Variants in NOX4 observed in about 807,000 individuals in gnomAD.
NOX4 encodes the protein kidney oxidase-1.
Under a neutral mutation model 87.6 loss-of-function variants are expected in NOX4, and 69 were observed. That is an observed-to-expected ratio of 0.79 (90% CI 0.65 to 0.96). The LOEUF (loss-of-function observed/expected upper bound fraction) is 0.96. Ranked by LOEUF, NOX4 falls within the 40% of genes least tolerant of loss-of-function variation. The pLI is 0.00. For synonymous variants in NOX4, 275 were observed against 238.2 expected (o/e 1.15, Z -1.42); for missense variants, 680 against 681.5 (o/e 1.00, Z 0.02).
chr11:89,390,642 G>A (rs568690856), intron 11 of NOX4, among the ~76,000 whole-genome samples: 11 of 152,182 alleles, frequency 7.2e-5, no homozygotes, highest in Middle Eastern at 3.4e-3. Flanking sequence ...AAATATTGAC[G>A]GCATTTGTCA....
the NOX4 span, among the ~76,000 whole-genome samples, chr11:89,531,664 G>C: frequency 1.3e-5 from 2 of 152,182 alleles, no homozygotes; most frequent in Non-Finnish European, 2.9e-5. Flanking sequence ...GTTTATGGCA[G>C]TTCCCCGCTC....
intron 9 of NOX4, among the ~76,000 whole-genome samples, chr11:89,401,838 A>G (rs1403657451): frequency 3.3e-5 from 5 of 152,136 alleles, no homozygotes; most frequent in Admixed American, 1.3e-4. Context: ...TGTATGTCTA[A>G]TAAGTGTTCT....
At chr11:89,546,342 C>T in the NOX4 span, among the ~76,000 whole-genome samples, 1 of 152,100 alleles carries the variant, frequency 6.6e-6, no homozygotes, top group East Asian at 1.9e-4. Context: ...AGGAGGAATC[C>T]TAAGTGGGAT....
At chr11:89,560,931 TAATTCCCCTAAAA>T in the NOX4 span, among the ~76,000 whole-genome samples, 3 of 141,278 alleles carry the variant, frequency 2.1e-5, no homozygotes, top group Non-Finnish European at 4.5e-5. Flanking sequence ...TCATGGGAGC[TAATTCCCCTAAAA>T]AATTCCCATC....
chr11:89,473,016 T>C (rs1946013102), intron 2 of NOX4, among the ~76,000 whole-genome samples: 1 of 152,210 alleles, frequency 6.6e-6, no homozygotes, highest in South Asian at 2.1e-4. Flanking sequence ...TTGACCTCTT[T>C]GGCTGAAAAA....
intron 8 of NOX4, 45 bp downstream of exon 8, chr11:89,421,857 T>C (rs1323894825): frequency 2.5e-6 from 3 of 1,217,502 alleles, no homozygotes; most frequent in Non-Finnish European, 2.3e-6. Context: ...CATTACCCCA[T>C]TTTGGGGCAC....
chr11:89,374,383 A>G (rs1331899591), intron 11 of NOX4, among the ~76,000 whole-genome samples: 2 of 152,146 alleles, frequency 1.3e-5, no homozygotes, highest in Admixed American at 6.6e-5. Context: ...TGAAATATGC[A>G]TACCTTTTAA....
Position 89,325,532 on chromosome 11 carries a change from G to A in NOX4, c.*1224C>T, listed in dbSNP as rs1590924468. The A allele has an allele frequency of 6.6e-6, 1 of 152,080 alleles. No individual in the cohort carries two copies. Among genetic ancestry groups the A allele is most frequent in the Non-Finnish European group, 1.5e-5 (1 of 68,018 alleles). 9.4% of individuals were successfully genotyped at this position (152,080 alleles called of 1,614,324 possible). ...TCCAACGGTGACTTTAAACCCAATA[G>A]TTCCCTATGGAAACTCAGGATACCA... On this transcript the variant is annotated 3_prime_UTR_variant, in exon 18 of 18. Transcript: ENST00000263317.
At chr11:89,381,694 G>A (rs557611056) in intron 11 of NOX4, among the ~76,000 whole-genome samples, 27 of 46,872 alleles carry the variant, frequency 5.8e-4, no homozygotes, top group African/African-American at 1.9e-3. Context: ...GATTTGGATC[G>A]GGGGGACCTC....
chr11:89,368,963 T>C (rs1435817210), intron 12 of NOX4, among the ~76,000 whole-genome samples: 1 of 152,142 alleles, frequency 6.6e-6, no homozygotes, highest in African/African-American at 2.4e-5. Flanking sequence ...TAAAATACTC[T>C]CTTACTTTTA....
intron 13 of NOX4, among the ~76,000 whole-genome samples, chr11:89,347,059 T>A (rs1365017081): frequency 6.6e-6 from 1 of 152,178 alleles, no homozygotes. Flanking sequence ...ACATACTATA[T>A]AAAAGAAAGC....
chr11:89,392,160 T>C (rs900645176), intron 11 of NOX4, among the ~76,000 whole-genome samples: 4 of 152,200 alleles, frequency 2.6e-5, no homozygotes, highest in African/African-American at 7.2e-5. Flanking sequence ...ATAAGACAAT[T>C]TTTTTTCTTA....
chr11:89,379,733 T>G (rs11018597), intron 11 of NOX4, among the ~76,000 whole-genome samples: 1 of 151,898 alleles, frequency 6.6e-6, no homozygotes, highest in East Asian at 1.9e-4. Flanking sequence ...CTTCACTTCC[T>G]TTCACATTAT....
At chr11:89,404,809 C>G (rs971972594) in intron 8 of NOX4, among the ~76,000 whole-genome samples, 2 of 152,000 alleles carry the variant, frequency 1.3e-5, no homozygotes, top group African/African-American at 4.8e-5. Context: ...TTAATGCTTG[C>G]TAAGAAAGTA....
chr11:89,528,973 T>C, the NOX4 span, among the ~76,000 whole-genome samples: 1 of 152,124 alleles, frequency 6.6e-6, no homozygotes, highest in East Asian at 1.9e-4. Flanking sequence ...TCCTTTTCTA[T>C]GAAGAGTGGT....
chr11:89,557,504 T>A, the NOX4 span, among the ~76,000 whole-genome samples: 1 of 152,198 alleles, frequency 6.6e-6, no homozygotes, highest in Admixed American at 6.6e-5. Context: ...AATCACACCC[T>A]TTAAACACTT....
chr11:89,414,743 T>C (rs2135238516), intron 8 of NOX4, among the ~76,000 whole-genome samples: 1 of 151,884 alleles, frequency 6.6e-6, no homozygotes, highest in East Asian at 1.9e-4. Flanking sequence ...AAAGAAGCCA[T>C]TTTCTTCTTA....
intron 2 of NOX4, among the ~76,000 whole-genome samples, chr11:89,480,555 A>G (rs1054228041): frequency 3.9e-5 from 6 of 152,172 alleles, no homozygotes; most frequent in Admixed American, 2.0e-4. Flanking sequence ...GAGCAGAGGG[A>G]GGAAAGAAGA....
the NOX4 span, among the ~76,000 whole-genome samples, chr11:89,559,439 C>T: frequency 6.6e-6 from 1 of 151,982 alleles, no homozygotes; most frequent in African/African-American, 2.4e-5. Flanking sequence ...TAAAAAAAGA[C>T]CTGATTTGTA....
Sources: gnomAD v4.1 joint callset for allele counts (sites outside exome capture counted in the v4.1 genomes callset) on GRCh38, gnomAD v4.1.1 for gene constraint, MANE v1.5 for transcripts, NCBI Gene and HGNC (gene_info 2026-07-23, HGNC 2026-07-21) for gene names.